PTPRG: variants seen among roughly 807,000 people sequenced by gnomAD.
The protein encoded by PTPRG is receptor-type tyrosine-protein phosphatase gamma.
A neutral mutation model predicts 165.3 loss-of-function variants in PTPRG; 102 were observed. That is an observed-to-expected ratio of 0.62 (90% CI 0.53 to 0.73). The LOEUF is 0.73. PTPRG is among the 30% of genes least tolerant of loss of function. PTPRG has a pLI of 0.00. For synonymous variants in PTPRG, 675 were observed against 669.5 expected, an observed-to-expected ratio of 1.01 and a Z score of -0.13; for missense variants, 1,866 against 1,861.4, an observed-to-expected ratio of 1.00 and a Z score of -0.05.
At chr3:62,205,808 T>C (rs79641565) in intron 12 of PTPRG, among the ~76,000 whole-genome samples, 287 of 152,270 alleles carry the variant, frequency 1.9e-3, no homozygotes, top group African/African-American at 6.5e-3. Flanking sequence ...GATTTCCTTC[T>C]ACTAGAAATG....
In PTPRG at chr3:61,876,278, T is replaced by C. The variant is rs191233854; in HGVS notation, c.191-113347T>C. ...AGGAGACTGAAGAACTTTTTATAGA[T>C]TGGGGAGGGCTAAGGAGAAATAACA... On this transcript the variant is annotated intron_variant, in intron 2 of 29. Transcript: ENST00000474889. Among the ~76,000 whole-genome samples the C allele has an allele frequency of 1.6e-4, 24 of 152,258 alleles. No individual in the cohort carries two copies. In the East Asian group the frequency reaches 4.1e-3, roughly 26 times the overall value.
rs958607078 is a variant in PTPRG, at chr3:62,110,377, C to T, written c.616-22225C>T. On this transcript the variant is annotated intron_variant, in intron 5 of 29. Coordinates refer to ENST00000474889, the MANE Select transcript of PTPRG (RefSeq NM_002841.4). ...ATAATTGATTTTAGTCTGATTACAT[C>T]GGACGTTCCATAATCAGGTGCTGAA... Among the ~76,000 whole-genome samples, 7 of 152,152 alleles carry T rather than the reference C, an allele frequency of 4.6e-5. No individual in the cohort carries two copies. The South Asian group carries it at 1.0e-3, about 23-fold the overall frequency.
rs1252454458 is a variant in PTPRG at position 61,665,341 on chromosome 3, AT to A, written c.86-83534del. 2.6e-5 allele frequency among the ~76,000 whole-genome samples: 4 copies of A among 152,268 alleles called. No individual in the cohort carries two copies. In the East Asian group the frequency reaches 7.7e-4, roughly 29 times the overall value. On this transcript the variant is annotated intron_variant, in intron 1 of 29. Coordinates refer to ENST00000474889, the MANE Select transcript of PTPRG (RefSeq NM_002841.4). ...TGCACAAAGTCAGACAAATAGGTTT[AT>A]TTGAGTCAATGATTTTTTTATAGCG...
At chr3:61,566,420 T>G (rs1250124981) in intron 1 of PTPRG, among the ~76,000 whole-genome samples, 1 of 152,262 alleles carries the variant, frequency 6.6e-6, no homozygotes, top group Non-Finnish European at 1.5e-5. Context: ...AGTAACTTCC[T>G]TGGCATTCAC....
At chr3:62,148,223 T>C (rs1033710824) in intron 6 of PTPRG, among the ~76,000 whole-genome samples, 5 of 151,962 alleles carry the variant, frequency 3.3e-5, no homozygotes, top group African/African-American at 1.2e-4. Flanking sequence ...ACATGAAGGA[T>C]GAAAAGGCAT....
intron 4 of PTPRG, among the ~76,000 whole-genome samples, chr3:62,058,243 T>G (rs1459142486): frequency 6.6e-6 from 1 of 152,202 alleles, no homozygotes; most frequent in East Asian, 1.9e-4. Flanking sequence ...ATTCCTAACC[T>G]CACCTTAATA....
intron 6 of PTPRG, among the ~76,000 whole-genome samples, chr3:62,141,761 T>C (rs1043580376): frequency 2.0e-5 from 3 of 150,322 alleles, no homozygotes; most frequent in African/African-American, 7.4e-5. Flanking sequence ...ATACAAAAAT[T>C]AGCTGGGTCT....
chr3:62,205,056 A>T (rs535710936), intron 12 of PTPRG, among the ~76,000 whole-genome samples: 3 of 152,168 alleles, frequency 2.0e-5, no homozygotes. Context: ...ACTTGTAAAC[A>T]TTAAAATTCA....
rs1266925457 is a variant in PTPRG at position 61,655,093 on chromosome 3, G to A, written c.85+92721G>A. Reference sequence around the variant, plus strand: ...TGAGCCACCGCACCCGGCCACCTGCGCTTTATCAGCTTATTGAGGTGTGCG... The same window carrying A: ...TGAGCCACCGCACCCGGCCACCTGCACTTTATCAGCTTATTGAGGTGTGCG... On this transcript the variant is annotated intron_variant, in intron 1 of 29. Transcript: ENST00000474889. Among the ~76,000 whole-genome samples the A allele has an allele frequency of 2.6e-5, 4 of 152,080 alleles. No homozygotes were observed. The East Asian group carries it at 7.8e-4, about 30-fold the overall frequency.
intron 2 of PTPRG, among the ~76,000 whole-genome samples, chr3:61,796,509 TAGGAAGGACAA>T (rs1232922626): frequency 2.0e-5 from 3 of 152,194 alleles, no homozygotes; most frequent in Non-Finnish European, 4.4e-5. Context: ...AGCAGCTGCC[TAGGAAGGACAA>T]AGTCTGCATG....
At chr3:61,659,323 G>T in intron 1 of PTPRG, 1 of 985,380 alleles carries the variant, frequency 1.0e-6, no homozygotes, top group Non-Finnish European at 1.2e-6. Context: ...AAACAGTGCT[G>T]CTCAGTTGAG....
chr3:61,573,411 T>C (rs1700104403), intron 1 of PTPRG, among the ~76,000 whole-genome samples: 1 of 152,194 alleles, frequency 6.6e-6, no homozygotes, highest in African/African-American at 2.4e-5. Context: ...CAATAAATGA[T>C]AGAAATAGTG....
rs921468796 is a variant in PTPRG, at chr3:61,772,252, A to ACCAGAAT, written c.190+23272_190+23278dup. 5.3e-5 allele frequency among the ~76,000 whole-genome samples: 8 copies of ACCAGAAT among 152,116 alleles called. 1 individual carries two copies. The highest frequency in any genetic ancestry group is 1.9e-4 in the African/African-American group (8 of 41,540). ...TATGTTCTTGGAGACTACTTTGTCT[A>ACCAGAAT]CCAGAATCTGTGAAGCACTCGTTTA... On this transcript the variant is annotated intron_variant, in intron 2 of 29. Coordinates refer to ENST00000474889, the MANE Select transcript of PTPRG (RefSeq NM_002841.4).
chr3:61,865,928 C>T (rs144644268), intron 2 of PTPRG, among the ~76,000 whole-genome samples: 3 of 152,308 alleles, frequency 2.0e-5, no homozygotes, highest in Non-Finnish European at 4.4e-5. Flanking sequence ...ATCCTATAGG[C>T]TGTTGCCACA....
At chr3:62,264,148 A>T (rs1030854495) in intron 17 of PTPRG, 1 of 151,368 alleles carries the variant, frequency 6.6e-6, no homozygotes, top group Non-Finnish European at 1.5e-5. Context: ...TCCATCTGAA[A>T]AAAAAAAAAA....
At position 61,691,945 on chromosome 3, in the gene PTPRG, C is replaced by CG. The variant is rs1295627883; in HGVS notation, c.86-56930dup. The stretch of plus-strand genomic sequence containing the variant: ...AAAAAGGGGATGTTTACATCACACA[C>CG]GGGTCGAAGACAAATACATTTTCGG... On this transcript the variant is annotated intron_variant, in intron 1 of 29. Coordinates refer to ENST00000474889, the MANE Select transcript of PTPRG (RefSeq NM_002841.4). 2.0e-5 allele frequency among the ~76,000 whole-genome samples: 3 copies of CG among 152,232 alleles called. 1 individual carries two copies. Among genetic ancestry groups the CG allele is most frequent in the African/African-American group, 7.2e-5 (3 of 41,536 alleles).
intron 2 of PTPRG, among the ~76,000 whole-genome samples, chr3:61,871,253 G>C (rs1275325933): frequency 6.6e-6 from 1 of 151,250 alleles, no homozygotes; most frequent in Non-Finnish European, 1.5e-5. Flanking sequence ...TTTAAGACAG[G>C]GTCTTGGTCT....
chr3:62,287,761 G>C (rs1702724544), intron 28 of PTPRG, among the ~76,000 whole-genome samples: 2 of 152,148 alleles, frequency 1.3e-5, no homozygotes, highest in African/African-American at 4.8e-5. Flanking sequence ...CAGTTAACAA[G>C]CGTGATCTAA....
chr3:62,006,791 A>T (rs1011780789), intron 4 of PTPRG, among the ~76,000 whole-genome samples: 1 of 152,180 alleles, frequency 6.6e-6, no homozygotes, highest in Non-Finnish European at 1.5e-5. Context: ...GAGGCCAGGG[A>T]TACTGCTATA....
Sources: gnomAD v4.1 joint callset for allele counts (sites outside exome capture counted in the v4.1 genomes callset) on GRCh38, gnomAD v4.1.1 for gene constraint, MANE v1.5 for transcripts, NCBI Gene and HGNC (gene_info 2026-07-23, HGNC 2026-07-21) for gene names.